ASTN2: variants seen among roughly 807,000 people sequenced by gnomAD.
ASTN2 encodes astrotactin 2, also known as astrotactin-2.
ASTN2 carries 54 observed loss-of-function variants against 139.8 expected under a neutral mutation model. The observed-to-expected ratio is 0.39, with a 90% CI of 0.31 to 0.48. ASTN2 has a LOEUF of 0.48. Among genes scored for constraint, ASTN2 ranks in the 20% least tolerant of loss-of-function variants. ASTN2 has a pLI of 0.95. For synonymous variants in ASTN2, 756 were observed against 719.5 expected (o/e 1.05, Z -0.81); for missense variants, 1,565 against 1,725.1 (o/e 0.91, Z 1.64).
intron 10 of ASTN2, among the ~76,000 whole-genome samples, chr9:116,951,206 G>A (rs563921802): frequency 4.1e-4 from 63 of 151,834 alleles, no homozygotes; most frequent in African/African-American, 5.8e-4. Flanking sequence ...GCATGGTGGC[G>A]CACGCCTGTA....
At position 116,620,363 on chromosome 9, in the gene ASTN2, G is replaced by A. The variant is rs374321292; in HGVS notation, c.3153C>T (p.Leu1051=). 2.5e-6 allele frequency: 4 copies of A among 1,614,062 alleles called. No homozygotes were observed. The African/African-American group carries it at 4.0e-5, about 16-fold the overall frequency. ...DVIDDWCRCD[L]SAFDANGLPN... is the part of the protein sequence containing the mutation. ...GGAGCCCATTGGCATCAAAGGCGCT[G>A]AGGTCACACCTGCACCAGTCATCGA... Residue 1051 remains leucine, a synonymous_variant, in exon 18 of 23, where the codon CTC becomes CTT. Transcript: ENST00000313400.
chr9:117,230,114 C>T (rs1832842898), intron 2 of ASTN2, among the ~76,000 whole-genome samples: 1 of 100,202 alleles, frequency 1.0e-5, no homozygotes, highest in Admixed American at 9.2e-5. Context: ...AAGACTCTAT[C>T]TTAAAAAAAA....
At chr9:116,493,900 A>C (rs1215894173) in intron 19 of ASTN2, among the ~76,000 whole-genome samples, 1 of 152,142 alleles carries the variant, frequency 6.6e-6, no homozygotes. Flanking sequence ...AGGATTTAGG[A>C]GTCGTCACTC....
chr9:117,393,197 C>G (rs1434795455), intron 1 of ASTN2, among the ~76,000 whole-genome samples: 2 of 152,226 alleles, frequency 1.3e-5, no homozygotes, highest in African/African-American at 4.8e-5. Flanking sequence ...GCAGAAGGAG[C>G]CAGCTTTAAG....
At chr9:117,295,629 AT>A (rs1226957908) in intron 1 of ASTN2, among the ~76,000 whole-genome samples, 1 of 152,012 alleles carries the variant, frequency 6.6e-6, no homozygotes, top group Non-Finnish European at 1.5e-5. Flanking sequence ...GTATATATAT[AT>A]TTATGTATTT....
At chr9:116,855,744 G>A (rs1039116633) in intron 11 of ASTN2, among the ~76,000 whole-genome samples, 2 of 152,120 alleles carry the variant, frequency 1.3e-5, no homozygotes, top group African/African-American at 4.8e-5. Flanking sequence ...TGGCTGGTTG[G>A]ATTTGGGCAA....
chr9:116,632,172 G>GAC (rs1856792743), intron 17 of ASTN2, among the ~76,000 whole-genome samples: 1 of 32,780 alleles, frequency 3.1e-5, no homozygotes, highest in East Asian at 2.1e-3. Context: ...GAGAGAGAGA[G>GAC]AGAGAGAGAG....
At chr9:117,007,853 C>A (rs1837401066) in intron 7 of ASTN2, among the ~76,000 whole-genome samples, 1 of 152,086 alleles carries the variant, frequency 6.6e-6, no homozygotes, top group South Asian at 2.1e-4. Flanking sequence ...TTGTCTGGAG[C>A]TAGGCCAGAT....
At chr9:117,401,139 C>T (rs767528459) in intron 1 of ASTN2, among the ~76,000 whole-genome samples, 9 of 152,150 alleles carry the variant, frequency 5.9e-5, no homozygotes, top group Non-Finnish European at 1.2e-4. Flanking sequence ...AACAGAACAA[C>T]CTGATGAGGT....
At chr9:117,127,656 T>G (rs73657667) in intron 4 of ASTN2, among the ~76,000 whole-genome samples, 3,028 of 144,936 alleles carry the variant, frequency 0.021, 88 homozygotes, top group Middle Eastern at 0.077. Context: ...GAAGTTAGGG[T>G]TTTTTTTTTG....
chr9:117,327,745 A>T (rs1454270835), intron 1 of ASTN2, among the ~76,000 whole-genome samples: 1 of 152,180 alleles, frequency 6.6e-6, no homozygotes, highest in Non-Finnish European at 1.5e-5. Context: ...CCCTCCTTCA[A>T]CAAATATTTG....
Position 117,066,059 on chromosome 9 carries a change from G to A in ASTN2, c.1277-26094C>T, listed in dbSNP as rs561666941. ...ATACTTTAAGTTTTAGGGTACATGT[G>A]CACATTGTGCAGGTTAGTTACATAT... is the stretch of plus-strand genomic sequence containing the variant. On this transcript the variant is annotated intron_variant, in intron 5 of 22. Transcript: ENST00000313400. 1.4e-5 allele frequency among the ~76,000 whole-genome samples: 2 copies of A among 146,106 alleles called. 1 individual carries two copies. Among genetic ancestry groups the A allele is most frequent in the East Asian group, 4.1e-4 (2 of 4,926 alleles).
At chr9:116,752,250 G>T (rs918832964) in intron 13 of ASTN2, among the ~76,000 whole-genome samples, 5 of 152,118 alleles carry the variant, frequency 3.3e-5, no homozygotes, top group Non-Finnish European at 5.9e-5. Flanking sequence ...GTGGAGAAAA[G>T]GTAGTCTTTT....
In ASTN2 at chr9:116,905,686, G is replaced by T. The variant is rs1360830794; in HGVS notation, c.1890-41953C>A. 2.0e-5 allele frequency among the ~76,000 whole-genome samples: 3 copies of T among 152,232 alleles called. No individual in the cohort carries two copies. The East Asian group carries it at 5.8e-4, about 29-fold the overall frequency. ...TAACAAGACACTAAATGTGTTTTATGCTCTTACAATGACAAATATACCTTC... is the reference window on the plus strand; with the variant it reads ...TAACAAGACACTAAATGTGTTTTATTCTCTTACAATGACAAATATACCTTC... On this transcript the variant is annotated intron_variant, in intron 10 of 22. Coordinates refer to ENST00000313400, the MANE Select transcript of ASTN2 (RefSeq NM_001365068.1).
intron 1 of ASTN2, among the ~76,000 whole-genome samples, chr9:117,403,916 G>A (rs892640352): frequency 2.0e-5 from 3 of 151,986 alleles, no homozygotes; most frequent in Middle Eastern, 3.4e-3. Context: ...TTGCCTTGCT[G>A]GGGAGGAGGG....
At chr9:116,947,479 G>T (rs1835429583) in intron 10 of ASTN2, among the ~76,000 whole-genome samples, 1 of 152,042 alleles carries the variant, frequency 6.6e-6, no homozygotes, top group Admixed American at 6.6e-5. Flanking sequence ...CTCTGTTTCA[G>T]CATATCCCAG....
chr9:117,211,769 GA>G (rs1832139371), intron 3 of ASTN2, among the ~76,000 whole-genome samples: 1 of 151,864 alleles, frequency 6.6e-6, no homozygotes, highest in African/African-American at 2.4e-5. Context: ...CAAACTAGCT[GA>G]AAAAGAAACC....
intron 19 of ASTN2, among the ~76,000 whole-genome samples, chr9:116,555,367 T>C (rs1852559122): frequency 1.3e-5 from 2 of 152,278 alleles, no homozygotes; most frequent in African/African-American, 4.8e-5. Context: ...TGAGCCAAAG[T>C]GAGCTAGGGG....
At chr9:116,724,979 A>T (rs971515226) in intron 16 of ASTN2, among the ~76,000 whole-genome samples, 13 of 152,192 alleles carry the variant, frequency 8.5e-5, no homozygotes, top group Admixed American at 5.9e-4. Flanking sequence ...TCATTTTCTC[A>T]TGTGTAAAAT....
Sources: allele counts gnomAD v4.1 joint callset (sites outside exome capture counted in the v4.1 genomes callset), GRCh38; gene constraint gnomAD v4.1.1; transcripts MANE v1.5; gene names NCBI Gene and HGNC (gene_info 2026-07-23, HGNC 2026-07-21).